ELL2: variants seen among roughly 807,000 people sequenced by gnomAD.
The protein encoded by ELL2 is RNA polymerase II elongation factor ELL2.
ELL2 carries 21 observed loss-of-function variants against 72.8 expected under a neutral mutation model. The ratio of observed to expected loss-of-function variants is 0.29; its 90% confidence interval spans 0.20 to 0.42. The LOEUF (loss-of-function observed/expected upper bound fraction) is 0.42. Ranked by LOEUF, ELL2 falls within the 10% of genes least tolerant of loss-of-function variation. The pLI is 1.00. For synonymous variants in ELL2, 266 were observed against 283.2 expected (o/e 0.94, Z 0.61); for missense variants, 568 against 772.8 (o/e 0.73, Z 3.14).
intron 2 of ELL2, among the ~76,000 whole-genome samples, chr5:95,928,030 A>G (rs1354047673): frequency 3.3e-5 from 5 of 151,858 alleles, no homozygotes; most frequent in Admixed American, 3.3e-4. Context: ...AGTATTTAGA[A>G]GAACACAGGT....
chr5:95,898,052 A>G (rs1354938296), intron 8 of ELL2, among the ~76,000 whole-genome samples, 188 bp downstream of exon 8: 1 of 148,910 alleles, frequency 6.7e-6, no homozygotes, highest in East Asian at 2.1e-4. Flanking sequence ...CATGTTTAAT[A>G]GTTGGCCAAA....
At position 95,900,985 on chromosome 5, in the gene ELL2, G is replaced by C; in HGVS notation, c.837C>G (p.Asp279Glu). ...AGAGCACTGACTCCAATGACCGTCT[G>C]TCTATTTCACTGTATCCAGGCCAGT... ...QRDWPGYSEI[D>E]RRSLESVLSR... The change falls in exon 6 of 12, where the codon GAC becomes GAG. Residue 279 changes from aspartate (D) to glutamate (E), a missense_variant. Transcript: ENST00000237853. 1 of 1,612,748 alleles carries C rather than the reference G, an allele frequency of 6.2e-7. No individual in the cohort carries two copies. The highest frequency in any genetic ancestry group is 1.1e-5 in the South Asian group (1 of 90,650).
intron 1 of ELL2, among the ~76,000 whole-genome samples, chr5:95,950,902 G>GTGTA (rs1193264030): frequency 1.7e-4 from 13 of 75,034 alleles, no homozygotes; most frequent in South Asian, 4.5e-4. Context: ...ATGTATGTAT[G>GTGTA]TGTATATATA....
At chr5:95,949,919 G>A (rs1186902012) in intron 1 of ELL2, among the ~76,000 whole-genome samples, 1 of 152,162 alleles carries the variant, frequency 6.6e-6, no homozygotes, top group Non-Finnish European at 1.5e-5. Flanking sequence ...CCCTTGTGGG[G>A]TAGATACTAT....
At chr5:95,959,428 T>C (rs1201885275) in intron 1 of ELL2, among the ~76,000 whole-genome samples, 1 of 152,158 alleles carries the variant, frequency 6.6e-6, no homozygotes, top group Non-Finnish European at 1.5e-5. Context: ...TTCTTCCCAC[T>C]GCCATTCCTT....
chr5:95,892,066 A>G (rs1748685881), intron 9 of ELL2, among the ~76,000 whole-genome samples: 1 of 152,214 alleles, frequency 6.6e-6, no homozygotes, highest in African/African-American at 2.4e-5. Context: ...GTAAGAGAAG[A>G]CCATTTTCCT....
intron 4 of ELL2, among the ~76,000 whole-genome samples, chr5:95,910,798 A>G (rs2112296960): frequency 6.6e-6 from 1 of 152,300 alleles, no homozygotes; most frequent in East Asian, 1.9e-4. Flanking sequence ...TCCTGCAGGT[A>G]CCTCGAAGCT....
At chr5:95,898,880 C>A (rs1749000811) in intron 7 of ELL2, 70 bp from the exon 8 acceptor site, 1 of 1,182,438 alleles carries the variant, frequency 8.5e-7, no homozygotes, top group Non-Finnish European at 1.2e-6. Context: ...ACATGCATGG[C>A]TGGTTAAACA....
intron 2 of ELL2, among the ~76,000 whole-genome samples, chr5:95,920,639 T>C (rs755792270): frequency 1.3e-5 from 2 of 151,938 alleles, no homozygotes; most frequent in Non-Finnish European, 2.9e-5. Flanking sequence ...TTGCCTGATA[T>C]GTAGTAGGGG....
chr5:95,889,114 A>G lies in ELL2; in HGVS notation c.1778T>C (p.Val593Ala). The G allele has an allele frequency of 6.2e-7, 1 of 1,610,314 alleles. No homozygotes were observed. Among genetic ancestry groups the G allele is most frequent in the East Asian group, 2.2e-5 (1 of 44,824 alleles). ...CTTTATCTTCTGATATTCTTGTAAG[A>G]CTTCTTCATGAACATTCTACAAAAT... ...SKEYQNVHEE[V>A]LQEYQKIKQS... The change falls in exon 11 of 12, where the codon GTC (valine) becomes GCC (alanine). Residue 593 changes from valine (V) to alanine (A), a missense_variant. Around this residue, in one of 2 missense-constraint regions of ELL2, gnomAD observed 511 missense variants for 728.4 expected, o/e 0.70. Transcript: ENST00000237853.
chr5:95,895,578 A>G (rs1156754852), intron 9 of ELL2, 50 bp downstream of exon 9: 9 of 1,543,724 alleles, frequency 5.8e-6, no homozygotes, highest in East Asian at 2.2e-5. Flanking sequence ...AGAATTTGCA[A>G]ACTTTCTAAA....
intron 4 of ELL2, 80 bp from the exon 5 acceptor site, chr5:95,906,862 G>T: frequency 7.3e-7 from 1 of 1,362,604 alleles, no homozygotes; most frequent in African/African-American, 1.5e-5. Context: ...TTCTGATTTA[G>T]GTACCTCTTC....
intron 2 of ELL2, among the ~76,000 whole-genome samples, chr5:95,930,230 TGC>T (rs1750547502): frequency 2.6e-5 from 4 of 152,222 alleles, no homozygotes; most frequent in Non-Finnish European, 5.9e-5. Context: ...TCCAATTCAT[TGC>T]CAATCTCCTC....
rs1748499194 is a variant in ELL2, at chr5:95,887,365, G to A, written c.*1506C>T. On this transcript the variant is annotated 3_prime_UTR_variant, in exon 12 of 12. Coordinates refer to ENST00000237853, the MANE Select transcript of ELL2 (RefSeq NM_012081.6). ...ATAACCAACATTTTTCTGGTTTACA[G>A]TGATACACAACAAAGTTATTCATTT... The A allele has an allele frequency of 1.3e-5, 2 of 152,632 alleles. No homozygotes were observed. The allele number at this position is 152,632 out of a possible 1,614,324, so 9.5% of individuals were successfully genotyped here.
chr5:95,955,794 T>C (rs1020887901), intron 1 of ELL2, among the ~76,000 whole-genome samples: 10 of 152,162 alleles, frequency 6.6e-5, no homozygotes, highest in East Asian at 5.8e-4. Context: ...ATGTCCATAA[T>C]ATCACATTTT....
At chr5:95,930,582 T>C (rs1750559646) in intron 2 of ELL2, among the ~76,000 whole-genome samples, 1 of 152,222 alleles carries the variant, frequency 6.6e-6, no homozygotes. Flanking sequence ...TCAATATCAA[T>C]TGTTTTTGAG....
chr5:95,906,448 A>C, intron 5 of ELL2, 75 bp downstream of exon 5: 1 of 1,463,272 alleles, frequency 6.8e-7, no homozygotes. Flanking sequence ...AATGATAATA[A>C]TGACAACAAG....
intron 2 of ELL2, among the ~76,000 whole-genome samples, chr5:95,941,475 G>C (rs1252827073): frequency 6.6e-6 from 1 of 152,114 alleles, no homozygotes; most frequent in Non-Finnish European, 1.5e-5. Flanking sequence ...CTCCCTCCTA[G>C]ACTGCTAAAA....
intron 2 of ELL2, among the ~76,000 whole-genome samples, chr5:95,931,821 A>AG (rs10627429): frequency 6.7e-6 from 1 of 149,866 alleles, no homozygotes; most frequent in Non-Finnish European, 1.5e-5. Flanking sequence ...AAAAAAAAAA[A>AG]TACTGCTTTC....
Sources: gnomAD v4.1 joint callset for allele counts (sites outside exome capture counted in the v4.1 genomes callset) on GRCh38, gnomAD v4.1.1 for gene constraint, gnomAD v4.1.1 regional missense constraint, MANE v1.5 for transcripts, NCBI Gene and HGNC (gene_info 2026-07-23, HGNC 2026-07-21) for gene names.